FSTL5: variants seen among roughly 807,000 people sequenced by gnomAD.
The protein encoded by FSTL5 is follistatin like 5.
Under a neutral mutation model 89.1 loss-of-function variants are expected in FSTL5, and 62 were observed. The observed-to-expected ratio is 0.70, with a 90% CI of 0.57 to 0.86. The LOEUF (loss-of-function observed/expected upper bound fraction) is 0.86, where lower values mean the gene tolerates loss of function less well. Among genes scored for constraint, FSTL5 ranks in the 40% least tolerant of loss-of-function variants. FSTL5 has a pLI of 0.00. For missense variants in FSTL5, 1,057 were observed against 1,001.6 expected, an observed-to-expected ratio of 1.06 and a Z score of -0.75; for synonymous variants, 383 against 346.2, an observed-to-expected ratio of 1.11 and a Z score of -1.18.
chr4:161,831,641 A>C (rs1446546568), intron 4 of FSTL5, among the ~76,000 whole-genome samples: 1 of 151,946 alleles, frequency 6.6e-6, no homozygotes, highest in Non-Finnish European at 1.5e-5. Context: ...TATTGAAATT[A>C]AATAGAATCT....
At chr4:161,898,674 G>A (rs1307347581) in intron 4 of FSTL5, among the ~76,000 whole-genome samples, 5 of 140,872 alleles carry the variant, frequency 3.5e-5, no homozygotes, top group Non-Finnish European at 7.5e-5. Context: ...CTGTCGCCCA[G>A]GCTGGAGTGC....
At chr4:161,587,112 TTAAA>T (rs934298008) in intron 8 of FSTL5, among the ~76,000 whole-genome samples, 3 of 152,072 alleles carry the variant, frequency 2.0e-5, no homozygotes, top group Non-Finnish European at 4.4e-5. Context: ...AAACAATCAA[TTAAA>T]TAGATGATCT....
intron 4 of FSTL5, among the ~76,000 whole-genome samples, chr4:161,795,133 G>A (rs1196588724): frequency 6.6e-6 from 1 of 151,918 alleles, no homozygotes; most frequent in African/African-American, 2.4e-5. Flanking sequence ...CTAAAGGAGT[G>A]CAGAAAAATG....
intron 10 of FSTL5, among the ~76,000 whole-genome samples, chr4:161,511,374 A>C (rs890862913): frequency 3.9e-5 from 6 of 152,184 alleles, no homozygotes; most frequent in Admixed American, 6.5e-5. Context: ...TTCTTTAAAA[A>C]ATTAATTATT....
intron 6 of FSTL5, among the ~76,000 whole-genome samples, chr4:161,740,004 T>C (rs935241115): frequency 6.8e-6 from 1 of 146,326 alleles, no homozygotes; most frequent in Non-Finnish European, 1.5e-5. Context: ...ATCTATTTAT[T>C]TATTTATTTA....
intron 6 of FSTL5, among the ~76,000 whole-genome samples, chr4:161,756,900 C>A (rs768325889): frequency 3.9e-5 from 6 of 152,044 alleles, no homozygotes; most frequent in Non-Finnish European, 8.8e-5. Flanking sequence ...AAACTATATA[C>A]GATTGAAATT....
At chr4:162,092,138 T>C (rs1436066566) in intron 2 of FSTL5, among the ~76,000 whole-genome samples, 1 of 152,086 alleles carries the variant, frequency 6.6e-6, no homozygotes, top group Non-Finnish European at 1.5e-5. Flanking sequence ...TTTAGAATAA[T>C]CTAGGAACTT....
At chr4:161,542,507 A>G in intron 9 of FSTL5, 25 bp downstream of exon 9, 1 of 1,306,652 alleles carries the variant, frequency 7.7e-7, no homozygotes, top group Non-Finnish European at 1.0e-6. Context: ...GTCATTTAAG[A>G]GAAAAAAAAG....
At chr4:162,146,245 C>T (rs1561044582) in intron 1 of FSTL5, among the ~76,000 whole-genome samples, 1 of 151,996 alleles carries the variant, frequency 6.6e-6, no homozygotes, top group Non-Finnish European at 1.5e-5. Context: ...ATCTATGAAT[C>T]TATGCATCTA....
At chr4:161,421,082 C>G (rs890423596) in intron 15 of FSTL5, among the ~76,000 whole-genome samples, 3 of 152,088 alleles carry the variant, frequency 2.0e-5, no homozygotes, top group African/African-American at 7.2e-5. Context: ...TGGCTCATGC[C>G]TGTAATCCCA....
chr4:161,912,951 G>T (rs1449751612), intron 4 of FSTL5, among the ~76,000 whole-genome samples: 1 of 152,170 alleles, frequency 6.6e-6, no homozygotes, highest in Non-Finnish European at 1.5e-5. Context: ...AAAGAGACTG[G>T]TGGCACTTTG....
At chr4:161,962,008 C>A (rs2110982670) in intron 3 of FSTL5, among the ~76,000 whole-genome samples, 1 of 151,652 alleles carries the variant, frequency 6.6e-6, no homozygotes. Context: ...TATGTGTTGA[C>A]CATATTATTA....
At chr4:161,439,306 A>G (rs1023716576) in intron 15 of FSTL5, among the ~76,000 whole-genome samples, 2 of 152,216 alleles carry the variant, frequency 1.3e-5, no homozygotes, top group African/African-American at 4.8e-5. Context: ...AATGGTGTCG[A>G]GTGTGTATGT....
intron 3 of FSTL5, among the ~76,000 whole-genome samples, chr4:161,966,521 T>G (rs1437635575): frequency 6.6e-6 from 1 of 152,068 alleles, no homozygotes; most frequent in Non-Finnish European, 1.5e-5. Flanking sequence ...GATGATAAAG[T>G]TACTTTGAGG....
chr4:161,985,951 T>C (rs1175616126), intron 3 of FSTL5, among the ~76,000 whole-genome samples: 1 of 152,166 alleles, frequency 6.6e-6, no homozygotes. Context: ...GACATAATCA[T>C]GTGTAACTGT....
Position 162,141,395 on chromosome 4 carries a change from G to A in FSTL5, c.-17+22220C>T, listed in dbSNP as rs891395916. ...CTCCCAAAGTGCTGGGATTACAGGC[G>A]TGAGCCACCGCGCCCGGCCTCCCTT... is the stretch of plus-strand genomic sequence containing the variant. On this transcript the variant is annotated intron_variant, in intron 1 of 15. Coordinates refer to ENST00000306100, the MANE Select transcript of FSTL5 (RefSeq NM_020116.5). Among the ~76,000 whole-genome samples the A allele has an allele frequency of 9.9e-4, 88 of 89,054 alleles. 14 individuals carry two copies. Among genetic ancestry groups the A allele is most frequent in the African/African-American group, 3.4e-4 (9 of 26,604 alleles). 58.4% of individuals were successfully genotyped at this position (89,054 alleles called of 152,430 possible).
chr4:161,827,108 C>G (rs1730691699), intron 4 of FSTL5, among the ~76,000 whole-genome samples: 1 of 152,100 alleles, frequency 6.6e-6, no homozygotes, highest in South Asian at 2.1e-4. Flanking sequence ...ACCTGGGACT[C>G]AAGGGCTGCT....
chr4:161,579,833 T>C (rs904500698), intron 8 of FSTL5, among the ~76,000 whole-genome samples: 7 of 151,810 alleles, frequency 4.6e-5, no homozygotes, highest in Non-Finnish European at 7.4e-5. Flanking sequence ...AGGATACAAA[T>C]GTTTAAGTTA....
chr4:161,502,541 A>T (rs1370380581), intron 11 of FSTL5, among the ~76,000 whole-genome samples: 1 of 151,960 alleles, frequency 6.6e-6, no homozygotes, highest in African/African-American at 2.4e-5. Flanking sequence ...ATACAACTAG[A>T]TTAATTAAAA....
Sources: allele counts gnomAD v4.1 joint callset (sites outside exome capture counted in the v4.1 genomes callset), GRCh38; gene constraint gnomAD v4.1.1; transcripts MANE v1.5; gene names NCBI Gene and HGNC (gene_info 2026-07-23, HGNC 2026-07-21).